The following NAA15 variants were observed in gnomAD, a reference collection of about 807,000 sequenced individuals.
NAA15 encodes N-terminal acetyltransferase.
NAA15 carries 34 observed loss-of-function variants against 114.0 expected under a neutral mutation model. The observed-to-expected ratio is 0.30, with a 90% CI of 0.23 to 0.40. The LOEUF is 0.40. Ranked by LOEUF, NAA15 falls within the 10% of genes least tolerant of loss-of-function variation. The pLI, the probability that NAA15 is intolerant of heterozygous loss-of-function variation, is 1.00. For synonymous variants in NAA15, 340 were observed against 338.0 expected (o/e 1.01, Z -0.06); for missense variants, 658 against 1,004.5 (o/e 0.66, Z 4.66).
chr4:139,310,085 A>G (rs907171756), intron 1 of NAA15, among the ~76,000 whole-genome samples: 3 of 152,184 alleles, frequency 2.0e-5, no homozygotes, highest in Non-Finnish European at 2.9e-5. Flanking sequence ...GTGCAGTCTT[A>G]TATCTTTTAA....
At chr4:139,331,487 C>T (rs1170105996) in intron 1 of NAA15, among the ~76,000 whole-genome samples, 5 of 151,114 alleles carry the variant, frequency 3.3e-5, no homozygotes, top group African/African-American at 1.2e-4. Flanking sequence ...GGCCCTGTTG[C>T]CCAGGCTGTA....
chr4:139,315,687 A>G (rs866603762), intron 1 of NAA15, among the ~76,000 whole-genome samples: 24 of 152,002 alleles, frequency 1.6e-4, no homozygotes, highest in Middle Eastern at 6.8e-3. Flanking sequence ...GATGTAGTCT[A>G]TTTTAAACCT....
intron 1 of NAA15, among the ~76,000 whole-genome samples, chr4:139,332,322 G>C (rs6826776): frequency 0.22 from 33,674 of 151,564 alleles, 4,116 homozygotes; most frequent in South Asian, 0.39. Context: ...GTAGAAACGG[G>C]GTTTCACCAT....
At chr4:139,328,286 A>G (rs1746874497) in intron 1 of NAA15, among the ~76,000 whole-genome samples, 1 of 152,100 alleles carries the variant, frequency 6.6e-6, no homozygotes, top group Non-Finnish European at 1.5e-5. Flanking sequence ...GGCTAACTTC[A>G]ATCTCCACCT....
At chr4:139,317,000 T>G (rs1248353519) in intron 1 of NAA15, among the ~76,000 whole-genome samples, 4 of 151,794 alleles carry the variant, frequency 2.6e-5, no homozygotes, top group Non-Finnish European at 5.9e-5. Context: ...ACATACTTTC[T>G]AAGTGTATTT....
At chr4:139,378,084 T>G (rs1222020189) in intron 16 of NAA15, among the ~76,000 whole-genome samples, 1 of 152,116 alleles carries the variant, frequency 6.6e-6, no homozygotes, top group East Asian at 1.9e-4. Flanking sequence ...GAGAAGAGAC[T>G]GGGGTTTTGA....
intron 17 of NAA15, among the ~76,000 whole-genome samples, chr4:139,380,712 A>G (rs1390428488): frequency 6.6e-6 from 1 of 152,210 alleles, no homozygotes; most frequent in African/African-American, 2.4e-5. Context: ...GACTGACTTT[A>G]GGCAATGAAA....
At chr4:139,357,114 T>C (rs1284758855) in intron 10 of NAA15, among the ~76,000 whole-genome samples, 2 of 152,176 alleles carry the variant, frequency 1.3e-5, no homozygotes. Flanking sequence ...TGTTTCAGTT[T>C]TCTTTCTAGG....
chr4:139,336,487 A>T (rs1370618182), intron 2 of NAA15, among the ~76,000 whole-genome samples: 2 of 152,156 alleles, frequency 1.3e-5, no homozygotes, highest in African/African-American at 4.8e-5. Context: ...GTATATTTTC[A>T]AGATAAAGTT....
In NAA15 at chr4:139,376,487, G is replaced by A. The variant is rs375890141; in HGVS notation, c.2056+14G>A. 4.0e-6 allele frequency: 6 copies of A among 1,481,652 alleles called. No homozygotes were observed. In the African/African-American group the frequency reaches 8.3e-5, roughly 21 times the overall value. The allele number at this position is 1,481,652 out of a possible 1,614,324, so 91.8% of individuals were successfully genotyped here. A position where few individuals can be genotyped will look rare whatever the true frequency, so the allele number is the denominator to read the frequency against. ...ACTTTAGGAAAGGTAGGCAATTAGG[G>A]TACAGTGGCCCTGACAAAACTGATC... On this transcript the variant is annotated intron_variant, in intron 16 of 19. Transcript: ENST00000296543.
intron 14 of NAA15, among the ~76,000 whole-genome samples, chr4:139,364,032 C>A (rs1455924665): frequency 1.3e-5 from 2 of 152,166 alleles, no homozygotes; most frequent in Admixed American, 1.3e-4. Flanking sequence ...AGGTGCGTGC[C>A]ACTGCACCCA....
chr4:139,311,415 G>A (rs979213856), intron 1 of NAA15, among the ~76,000 whole-genome samples: 4 of 151,984 alleles, frequency 2.6e-5, no homozygotes, highest in African/African-American at 9.7e-5. Flanking sequence ...AATTTTTGGA[G>A]AAGGGAGTTA....
At chr4:139,380,077 CAGAA>C in intron 17 of NAA15, among the ~76,000 whole-genome samples, 1 of 152,246 alleles carries the variant, frequency 6.6e-6, no homozygotes, top group South Asian at 2.1e-4. Flanking sequence ...TTTGACTTTC[CAGAA>C]AGATTAGACT....
chr4:139,313,540 C>A (rs571623878), intron 1 of NAA15, among the ~76,000 whole-genome samples: 3 of 147,016 alleles, frequency 2.0e-5, no homozygotes, highest in Non-Finnish European at 4.5e-5. Context: ...CAGTATATTT[C>A]TTTCTTTTTT....
At position 139,385,019 on chromosome 4, in the gene NAA15, C is replaced by A. The variant is rs373699126; in HGVS notation, c.2302+41C>A. ...TATCCTTAGCCTTCTAAAACAACTT[C>A]AGTAATTTTAATGAATCAACAATAA... On this transcript the variant is annotated intron_variant, in intron 18 of 19. Transcript: ENST00000296543. 46 of 1,408,776 alleles carry A rather than the reference C, an allele frequency of 3.3e-5. No individual in the cohort carries two copies. In the African/African-American group the frequency reaches 6.7e-4, roughly 21 times the overall value. The allele number at this position is 1,408,776 out of a possible 1,614,324, so 87.3% of individuals were successfully genotyped here.
At position 139,333,991 on chromosome 4, in the gene NAA15, G is replaced by A. The variant is rs72726513; in HGVS notation, c.55-183G>A. On this transcript the variant is annotated intron_variant, in intron 1 of 19. Coordinates refer to ENST00000296543, the MANE Select transcript of NAA15 (RefSeq NM_057175.5). ...GTTGGACTTTACTAATCTATATTTTGTTCCTTTGTCTTTTACTTCCTGTAT... is the reference window on the plus strand; with the variant it reads ...GTTGGACTTTACTAATCTATATTTTATTCCTTTGTCTTTTACTTCCTGTAT... Among the ~76,000 whole-genome samples, 387 of 151,502 alleles carry A rather than the reference G, an allele frequency of 2.6e-3. 3 individuals are homozygous for A. Among genetic ancestry groups the A allele is most frequent in the Non-Finnish European group, 3.9e-3 (263 of 67,798 alleles).
intron 1 of NAA15, chr4:139,318,354 C>A (rs913419851): frequency 1.3e-5 from 2 of 151,602 alleles, no homozygotes; most frequent in South Asian, 4.2e-4. Context: ...TTTTTTGAAA[C>A]CCTATTAGTT....
At chr4:139,314,370 T>C (rs1233278281) in intron 1 of NAA15, among the ~76,000 whole-genome samples, 1 of 151,956 alleles carries the variant, frequency 6.6e-6, no homozygotes, top group East Asian at 1.9e-4. Context: ...TTCTAATAGA[T>C]GAAATTCATA....
chr4:139,324,461 CT>C (rs1396763421), intron 1 of NAA15, among the ~76,000 whole-genome samples: 14 of 152,086 alleles, frequency 9.2e-5, no homozygotes, highest in Admixed American at 9.2e-4. Context: ...GAATGTAGAC[CT>C]GTATTTCTGT....
Sources: gnomAD v4.1 joint callset for allele counts (sites outside exome capture counted in the v4.1 genomes callset) on GRCh38, gnomAD v4.1.1 for gene constraint, MANE v1.5 for transcripts, NCBI Gene and HGNC (gene_info 2026-07-23, HGNC 2026-07-21) for gene names.